The following SNX29 variants were observed in gnomAD, a reference collection of about 807,000 sequenced individuals.
SNX29 encodes the protein sorting nexin-29.
SNX29 carries 78 observed loss-of-function variants against 102.1 expected under a neutral mutation model. The ratio of observed to expected loss-of-function variants is 0.76; its 90% CI spans 0.64 to 0.92. The LOEUF (loss-of-function observed/expected upper bound fraction) is 0.92. Ranked by LOEUF, SNX29 falls within the 40% of genes least tolerant of loss-of-function variation. The pLI is 0.00. For missense variants in SNX29, 1,280 were observed against 1,061.7 expected (o/e 1.21, Z -2.86); for synonymous variants, 580 against 414.5 (o/e 1.40, Z -4.85).
chr16:12,063,499 AGATTAGCTGG>A (rs1188611316), intron 9 of SNX29, among the ~76,000 whole-genome samples: 2 of 148,338 alleles, frequency 1.3e-5, no homozygotes, highest in Admixed American at 1.4e-4. Flanking sequence ...CTCAGCTTCC[AGATTAGCTGG>A]GATTACAGGC....
chr16:12,097,918 G>C (rs1269280423), intron 11 of SNX29, among the ~76,000 whole-genome samples: 1 of 152,240 alleles, frequency 6.6e-6, no homozygotes, highest in Non-Finnish European at 1.5e-5. Flanking sequence ...GGAAGGAGTA[G>C]CCTGACTGGG....
At chr16:12,137,284 G>A (rs1195906138) in intron 13 of SNX29, among the ~76,000 whole-genome samples, 3 of 152,224 alleles carry the variant, frequency 2.0e-5, no homozygotes, top group African/African-American at 7.2e-5. Context: ...CTTGGCTGTA[G>A]GTGGCTGGGG....
intron 20 of SNX29, among the ~76,000 whole-genome samples, chr16:12,565,041 T>G (rs2078937846): frequency 6.6e-6 from 1 of 152,130 alleles, no homozygotes; most frequent in Non-Finnish European, 1.5e-5. Flanking sequence ...AGCCTGGCAC[T>G]GGCTTCATTC....
intron 15 of SNX29, among the ~76,000 whole-genome samples, chr16:12,354,693 G>A (rs2082082300): frequency 6.6e-6 from 1 of 152,154 alleles, no homozygotes; most frequent in Non-Finnish European, 1.5e-5. Context: ...AGCTCGTGGG[G>A]GGTTTATGTG....
intron 18 of SNX29, among the ~76,000 whole-genome samples, chr16:12,446,212 T>C (rs2086046014): frequency 1.3e-5 from 2 of 152,030 alleles, no homozygotes; most frequent in Admixed American, 1.3e-4. Context: ...TGCACCACCA[T>C]GCCCGGCTAA....
chr16:12,203,004 A>C (rs879020145), intron 14 of SNX29, among the ~76,000 whole-genome samples: 1 of 151,198 alleles, frequency 6.6e-6, no homozygotes, highest in African/African-American at 2.4e-5. Context: ...GACTGGTGGC[A>C]TTGGAGGTGA....
At chr16:12,129,918 C>G (rs1378908485) in intron 13 of SNX29, among the ~76,000 whole-genome samples, 160 bp downstream of exon 13, 2 of 151,898 alleles carry the variant, frequency 1.3e-5, no homozygotes, top group African/African-American at 4.8e-5. Context: ...TCCTGGCTAA[C>G]ACAGTGAAAC....
intron 14 of SNX29, among the ~76,000 whole-genome samples, chr16:12,233,094 GTCT>G (rs2077819048): frequency 6.6e-6 from 1 of 151,852 alleles, no homozygotes; most frequent in African/African-American, 2.4e-5. Context: ...CATCTTCTTT[GTCT>G]TCTTTGTCTT....
intron 4 of SNX29, among the ~76,000 whole-genome samples, chr16:12,030,542 C>T (rs1374829536): frequency 6.6e-6 from 1 of 152,222 alleles, no homozygotes; most frequent in Non-Finnish European, 1.5e-5. Context: ...ACATGGGTCC[C>T]TGAGCCACTC....
At chr16:11,993,640 A>T (rs1487440617) in intron 1 of SNX29, among the ~76,000 whole-genome samples, 1 of 152,174 alleles carries the variant, frequency 6.6e-6, no homozygotes, top group Non-Finnish European at 1.5e-5. Context: ...CTTGCTCATG[A>T]TCACATGGCT....
At chr16:12,550,858 G>T (rs1183600793) in intron 20 of SNX29, among the ~76,000 whole-genome samples, 2 of 152,208 alleles carry the variant, frequency 1.3e-5, no homozygotes, top group Admixed American at 1.3e-4. Context: ...GTATTTTCAT[G>T]ATAGACTTTC....
At chr16:12,187,109 T>C (rs1264226880) in intron 13 of SNX29, among the ~76,000 whole-genome samples, 2 of 152,234 alleles carry the variant, frequency 1.3e-5, no homozygotes, top group East Asian at 3.8e-4. Flanking sequence ...CACAGGGCCA[T>C]ATTCCTGTCT....
intron 18 of SNX29, among the ~76,000 whole-genome samples, chr16:12,471,049 C>T (rs188411876): frequency 6.6e-6 from 1 of 152,166 alleles, no homozygotes; most frequent in East Asian, 1.9e-4. Context: ...TGTAGCTGTG[C>T]GCCTTCACAC....
At chr16:12,341,653 T>C (rs2081613373) in intron 15 of SNX29, among the ~76,000 whole-genome samples, 1 of 152,248 alleles carries the variant, frequency 6.6e-6, no homozygotes, top group Non-Finnish European at 1.5e-5. Context: ...GGCCACACCA[T>C]GGCTTTCTCA....
rs78240948 is a variant in SNX29 at position 12,496,921 on chromosome 16, A to G, written c.2178+19062A>G. ...TGAGCAAAGCTGCAGAAGCATGGGT[A>G]ATGGACAGGTTCAGGCATGCACTCG... On this transcript the variant is annotated intron_variant, in intron 19 of 20. Transcript: ENST00000566228. 3.5e-3 allele frequency among the ~76,000 whole-genome samples: 531 copies of G among 152,138 alleles called. 3 individuals are homozygous for G. The highest frequency in any genetic ancestry group is 0.012 in the African/African-American group (487 of 41,474).
At chr16:12,352,804 G>A (rs1218014433) in intron 15 of SNX29, among the ~76,000 whole-genome samples, 1 of 152,152 alleles carries the variant, frequency 6.6e-6, no homozygotes, top group African/African-American at 2.4e-5. Context: ...TCTCCACCTG[G>A]CATTTACTTT....
At chr16:12,446,839 A>G (rs1395170753) in intron 18 of SNX29, among the ~76,000 whole-genome samples, 1 of 152,068 alleles carries the variant, frequency 6.6e-6, no homozygotes, top group East Asian at 1.9e-4. Flanking sequence ...GAGCTGCCTC[A>G]TGTTCTTTAT....
chr16:11,997,285 G>C (rs547225499), intron 1 of SNX29, among the ~76,000 whole-genome samples: 5 of 152,138 alleles, frequency 3.3e-5, no homozygotes, highest in Admixed American at 2.6e-4. Context: ...TGGAACACTG[G>C]CCTGCCCTGT....
At chr16:12,530,862 C>T (rs1414534108) in intron 20 of SNX29, among the ~76,000 whole-genome samples, 1 of 152,140 alleles carries the variant, frequency 6.6e-6, no homozygotes, top group Admixed American at 6.5e-5. Context: ...GGCCACCTTT[C>T]TTAATTTAAT....
Sources: gnomAD v4.1 joint callset for allele counts (sites outside exome capture counted in the v4.1 genomes callset) on GRCh38, gnomAD v4.1.1 for gene constraint, MANE v1.5 for transcripts, NCBI Gene and HGNC (gene_info 2026-07-23, HGNC 2026-07-21) for gene names.